ABCB11: variants seen among roughly 807,000 people sequenced by gnomAD.
The protein encoded by ABCB11 is bile salt export pump.
A neutral mutation model predicts 148.0 loss-of-function variants in ABCB11; 95 were observed. That is an observed-to-expected ratio of 0.64 (90% CI 0.54 to 0.76). The LOEUF (loss-of-function observed/expected upper bound fraction) is 0.76, where lower values mean the gene tolerates loss of function less well. Among genes scored for constraint, ABCB11 ranks in the 30% least tolerant of loss-of-function variants. The pLI is 0.00. For missense variants in ABCB11, 1,523 were observed against 1,617.8 expected (o/e 0.94, Z 1.01); for synonymous variants, 591 against 555.4 (o/e 1.06, Z -0.90).
In ABCB11 at chr2:169,031,226, T is replaced by G. The variant is rs1695858926; in HGVS notation, c.-29A>C. 6.6e-6 allele frequency: 1 copy of G among 152,234 alleles called. No homozygotes were observed. Among genetic ancestry groups the G allele is most frequent in the South Asian group, 2.1e-4 (1 of 4,834 alleles). 9.4% of individuals were successfully genotyped at this position (152,234 alleles called of 1,614,324 possible). ...CAGAGACAAGTATAAGTTACTTACC[T>G]GTGAATATGAATTTGAGGAAGCCAG... is the stretch of plus-strand genomic sequence containing the variant. On this transcript the variant is annotated splice_region_variant and 5_prime_UTR_variant, in exon 1 of 28. Coordinates refer to ENST00000650372, the MANE Select transcript of ABCB11 (RefSeq NM_003742.4).
In ABCB11 at chr2:169,018,128, T is replaced by C; in HGVS notation, c.-3A>G. ...CGAAGAATTACTGAGTCAGACATGG[T>C]AATTGCAACCCACAGCCAACGACCC... On this transcript the variant is annotated 5_prime_UTR_variant, in exon 2 of 28. Coordinates refer to ENST00000650372, the MANE Select transcript of ABCB11 (RefSeq NM_003742.4). The C allele has an allele frequency of 2.0e-5, 32 of 1,613,572 alleles. No individual in the cohort carries two copies. The highest frequency in any genetic ancestry group is 2.7e-5 in the Non-Finnish European group (32 of 1,179,630).
chr2:168,953,014 T>C (rs952225144), intron 19 of ABCB11, among the ~76,000 whole-genome samples: 8 of 151,728 alleles, frequency 5.3e-5, no homozygotes, highest in Non-Finnish European at 1.0e-4. Context: ...TTGTATAGTT[T>C]CCAAACTTCT....
intron 1 of ABCB11, among the ~76,000 whole-genome samples, chr2:169,022,331 G>C (rs990663677): frequency 2.0e-5 from 3 of 151,824 alleles, no homozygotes; most frequent in Non-Finnish European, 4.4e-5. Context: ...AAGTCAATAA[G>C]ACTGTTGAAG....
chr2:168,944,041 C>T (rs181606442), intron 21 of ABCB11, among the ~76,000 whole-genome samples: 2 of 151,964 alleles, frequency 1.3e-5, no homozygotes, highest in Non-Finnish European at 2.9e-5. Context: ...TATGTGTAAG[C>T]CCCTTGAACA....
intron 15 of ABCB11, 88 bp from the exon 16 acceptor site, chr2:168,969,639 T>G (rs1299479164): frequency 8.4e-7 from 1 of 1,196,774 alleles, no homozygotes; most frequent in African/African-American, 1.5e-5. Flanking sequence ...CATAGGAAAG[T>G]TAGATCCTTG....
At chr2:169,024,770 G>C (rs1238030144) in intron 1 of ABCB11, among the ~76,000 whole-genome samples, 1 of 151,974 alleles carries the variant, frequency 6.6e-6, no homozygotes, top group Non-Finnish European at 1.5e-5. Context: ...TACTTTCCTT[G>C]TTTTTAATGA....
At chr2:169,011,046 G>C (rs929973936) in intron 5 of ABCB11, among the ~76,000 whole-genome samples, 2 of 152,170 alleles carry the variant, frequency 1.3e-5, no homozygotes, top group African/African-American at 4.8e-5. Context: ...GTAATGAGTG[G>C]CCACAGAGAA....
In ABCB11 at chr2:168,932,467, A is replaced by C. The variant is rs766964042; in HGVS notation, c.3123T>G (p.Tyr1041Ter). Residue 1041 changes from tyrosine to a stop codon, truncating the protein, a stop_gained, in exon 24 of 28, where the codon TAT becomes TAG. Transcript: ENST00000650372. LOFTEE classifies it high-confidence loss of function. Reference protein sequence around the residue: ...LGRAFSYTPSYAKAKISAARF... With the variant: ...LGRAFSYTPS ...GTGCAGCTGATATTTTAGCTTTTGC[A>C]TAACTTGGGGTGTAAGAGAAGGCTC... 6.2e-7 allele frequency: 1 copy of C among 1,613,388 alleles called. No homozygotes were observed. The highest frequency in any genetic ancestry group is 1.1e-5 in the South Asian group (1 of 90,784).
chr2:168,964,746 A>G (rs1693225605), intron 17 of ABCB11, among the ~76,000 whole-genome samples: 1 of 151,810 alleles, frequency 6.6e-6, no homozygotes, highest in African/African-American at 2.4e-5. Flanking sequence ...TCACTTTAGC[A>G]TGGTTACAAA....
chr2:169,003,481 T>C (rs1694939698), intron 5 of ABCB11, among the ~76,000 whole-genome samples: 1 of 151,700 alleles, frequency 6.6e-6, no homozygotes, highest in Admixed American at 6.6e-5. Context: ...CCTTATCCAC[T>C]CGTTGATTGA....
intron 26 of ABCB11, 80 bp downstream of exon 26, chr2:168,927,076 T>C: frequency 7.4e-7 from 1 of 1,344,540 alleles, no homozygotes; most frequent in Admixed American, 1.8e-5. Flanking sequence ...AGATTAGGGA[T>C]GCTCAACCTG....
At chr2:168,980,432 T>A (rs753970810) in intron 10 of ABCB11, among the ~76,000 whole-genome samples, 1 of 152,188 alleles carries the variant, frequency 6.6e-6, no homozygotes, top group Non-Finnish European at 1.5e-5. Context: ...AACCTGCTAC[T>A]GTTGTTACCG....
chr2:168,990,020 T>C (rs757557162), intron 9 of ABCB11, among the ~76,000 whole-genome samples: 19 of 152,268 alleles, frequency 1.2e-4, no homozygotes, highest in Non-Finnish European at 2.4e-4. Flanking sequence ...CTAGTATTTT[T>C]GTTGAGCATT....
chr2:169,025,664 G>A (rs1441701033), intron 1 of ABCB11, among the ~76,000 whole-genome samples: 8 of 152,034 alleles, frequency 5.3e-5, no homozygotes, highest in African/African-American at 1.9e-4. Flanking sequence ...GCTTCTTTCC[G>A]AATACCCCTA....
chr2:168,959,670 A>T (rs577648927), intron 18 of ABCB11, among the ~76,000 whole-genome samples: 43 of 151,736 alleles, frequency 2.8e-4, no homozygotes, highest in Admixed American at 7.9e-4. Flanking sequence ...AGATGTCTTC[A>T]TCCCAAGTGA....
intron 5 of ABCB11, 77 bp from the exon 6 acceptor site, chr2:168,996,799 G>T: frequency 1.9e-6 from 1 of 524,230 alleles, no homozygotes; most frequent in East Asian, 4.0e-5. Flanking sequence ...GGATATAGAG[G>T]GATTTAAAAA....
At chr2:168,999,987 G>C (rs1427032261) in intron 5 of ABCB11, among the ~76,000 whole-genome samples, 1 of 151,974 alleles carries the variant, frequency 6.6e-6, no homozygotes, top group Admixed American at 6.6e-5. Flanking sequence ...TCAACATTTA[G>C]GGTTATCACT....
At chr2:168,996,550 T>C in intron 6 of ABCB11, 85 bp downstream of exon 6, 1 of 745,764 alleles carries the variant, frequency 1.3e-6, no homozygotes, top group Non-Finnish European at 2.0e-6. Flanking sequence ...TCTGATTAGC[T>C]TAAAGAGTGG....
At chr2:168,963,375 T>A (rs886907307) in intron 18 of ABCB11, among the ~76,000 whole-genome samples, 4 of 151,852 alleles carry the variant, frequency 2.6e-5, no homozygotes, top group African/African-American at 9.6e-5. Flanking sequence ...ATGACTTTGA[T>A]TAAGGCTCAA....
Sources: gnomAD v4.1 joint callset for allele counts (sites outside exome capture counted in the v4.1 genomes callset) on GRCh38, gnomAD v4.1.1 for gene constraint, MANE v1.5 for transcripts, NCBI Gene and HGNC (gene_info 2026-07-23, HGNC 2026-07-21) for gene names.